SLC25A13: variants seen among roughly 807,000 people sequenced by gnomAD.
SLC25A13 encodes solute carrier family 25 member 13, also known as electrogenic aspartate/glutamate antiporter SLC25A13, mitochondrial.
Under a neutral mutation model 85.5 loss-of-function variants are expected in SLC25A13, and 70 were observed. The ratio of observed to expected loss-of-function variants is 0.82; its 90% confidence interval spans 0.68 to 1.00. The LOEUF (loss-of-function observed/expected upper bound fraction) is 1.00, where lower values mean the gene tolerates loss of function less well. SLC25A13 is among the 50% of genes least tolerant of loss of function. SLC25A13 has a pLI of 0.00. For missense variants in SLC25A13, 765 were observed against 819.8 expected (o/e 0.93, Z 0.82); for synonymous variants, 259 against 288.7 (o/e 0.90, Z 1.04).
chr7:96,162,315 AGG>A (rs1793538135), intron 13 of SLC25A13, among the ~76,000 whole-genome samples: 1 of 152,234 alleles, frequency 6.6e-6, no homozygotes, highest in African/African-American at 2.4e-5. Flanking sequence ...TTCAATCATA[AGG>A]AATGGTGACT....
chr7:96,145,273 A>C, intron 14 of SLC25A13, among the ~76,000 whole-genome samples: 1 of 152,168 alleles, frequency 6.6e-6, no homozygotes, highest in East Asian at 1.9e-4. Flanking sequence ...ACAAAGTCTC[A>C]GATCATGGAG....
At chr7:96,153,900 T>C (rs1269904330) in intron 13 of SLC25A13, among the ~76,000 whole-genome samples, 1 of 152,216 alleles carries the variant, frequency 6.6e-6, no homozygotes, top group African/African-American at 2.4e-5. Context: ...ATGAAATATA[T>C]AGGATCAAAA....
intron 2 of SLC25A13, among the ~76,000 whole-genome samples, chr7:96,295,607 G>A (rs1799314482): frequency 6.6e-6 from 1 of 152,026 alleles, no homozygotes. Flanking sequence ...CCTAAACATC[G>A]ATTAATACCA....
intron 1 of SLC25A13, chr7:96,309,509 T>C (rs1799876719): frequency 6.6e-6 from 1 of 152,184 alleles, no homozygotes; most frequent in South Asian, 2.1e-4. Flanking sequence ...AATGGATTAT[T>C]AGAAAAAGGT....
At chr7:96,218,951 T>C (rs1307082643) in intron 4 of SLC25A13, among the ~76,000 whole-genome samples, 1 of 152,178 alleles carries the variant, frequency 6.6e-6, no homozygotes, top group Non-Finnish European at 1.5e-5. Context: ...CCATCATCTT[T>C]TAAGCAGGGA....
intron 3 of SLC25A13, among the ~76,000 whole-genome samples, chr7:96,272,033 C>T (rs934188638): frequency 6.6e-6 from 1 of 152,020 alleles, no homozygotes; most frequent in Non-Finnish European, 1.5e-5. Flanking sequence ...TTACAGGTTA[C>T]GGCCACCATG....
intron 1 of SLC25A13, among the ~76,000 whole-genome samples, chr7:96,316,670 G>C (rs1305532625): frequency 1.3e-5 from 2 of 152,160 alleles, no homozygotes; most frequent in African/African-American, 4.8e-5. Context: ...GTCAAAAACA[G>C]AAAGCACCTA....
chr7:96,189,262 C>A, intron 9 of SLC25A13, 32 bp downstream of exon 9: 1 of 1,602,048 alleles, frequency 6.2e-7, no homozygotes, highest in Non-Finnish European at 8.5e-7. Context: ...CTAAGGAAAC[C>A]CCAGAATGCA....
intron 3 of SLC25A13, 136 bp downstream of exon 3, chr7:96,277,057 GTAA>G (rs1798479475): frequency 2.6e-6 from 2 of 769,654 alleles, no homozygotes; most frequent in South Asian, 4.5e-5. Flanking sequence ...CTCAAATAAT[GTAA>G]TAATAATAGT....
chr7:96,288,619 T>A (rs1798986837), intron 2 of SLC25A13, among the ~76,000 whole-genome samples: 1 of 152,122 alleles, frequency 6.6e-6, no homozygotes, highest in Non-Finnish European at 1.5e-5. Flanking sequence ...ACCAGGAGAA[T>A]ATATCCTGCG....
intron 15 of SLC25A13, among the ~76,000 whole-genome samples, chr7:96,131,382 A>G (rs6465487): frequency 0.4 from 60,565 of 151,944 alleles, 12,249 homozygotes; most frequent in East Asian, 0.63. Flanking sequence ...TTTTTTAGAC[A>G]TCTTTAAGAC....
chr7:96,304,793 G>A (rs530380884), intron 1 of SLC25A13, among the ~76,000 whole-genome samples: 13 of 152,274 alleles, frequency 8.5e-5, no homozygotes, highest in South Asian at 2.1e-4. Context: ...TAGGCCCAGC[G>A]CCAGGCACCG....
chr7:96,176,874 G>A (rs1299870842), intron 11 of SLC25A13, among the ~76,000 whole-genome samples: 1 of 152,194 alleles, frequency 6.6e-6, no homozygotes, highest in Non-Finnish European at 1.5e-5. Flanking sequence ...TAGGGCATGG[G>A]CTTTGGAGGT....
chr7:96,302,596 C>T (rs1178901485), intron 1 of SLC25A13, among the ~76,000 whole-genome samples: 5 of 152,218 alleles, frequency 3.3e-5, no homozygotes, highest in Admixed American at 3.3e-4. Flanking sequence ...AGACCACCAT[C>T]TCTGTGAGGG....
chr7:96,242,560 T>C (rs1345069214), intron 3 of SLC25A13, among the ~76,000 whole-genome samples: 1 of 152,196 alleles, frequency 6.6e-6, no homozygotes, highest in African/African-American at 2.4e-5. Flanking sequence ...TTAAGTCTGA[T>C]AAGAAATATT....
intron 15 of SLC25A13, among the ~76,000 whole-genome samples, chr7:96,122,333 TTTTC>T (rs1203891535): frequency 3.3e-5 from 5 of 152,352 alleles, no homozygotes; most frequent in African/African-American, 1.2e-4. Context: ...AGCGGTTTTC[TTTTC>T]TTTTTCTTTC....
intron 2 of SLC25A13, among the ~76,000 whole-genome samples, chr7:96,281,536 A>G (rs1798679238): frequency 2.0e-5 from 3 of 152,288 alleles, no homozygotes; most frequent in Middle Eastern, 3.4e-3. Context: ...ACTTACATAC[A>G]GTTAGTTTTA....
intron 5 of SLC25A13, among the ~76,000 whole-genome samples, chr7:96,204,258 T>TA (rs1186195092): frequency 1.3e-5 from 2 of 152,316 alleles, no homozygotes; most frequent in East Asian, 1.9e-4. Context: ...ATTATACAGA[T>TA]ATTAGTTATT....
At chr7:96,238,976 G>A (rs1796853108) in intron 3 of SLC25A13, among the ~76,000 whole-genome samples, 1 of 144,968 alleles carries the variant, frequency 6.9e-6, no homozygotes, top group Non-Finnish European at 1.5e-5. Flanking sequence ...ATATACATAT[G>A]CAAAGCTTAT....
Sources: gnomAD v4.1 joint callset for allele counts (sites outside exome capture counted in the v4.1 genomes callset) on GRCh38, gnomAD v4.1.1 for gene constraint, MANE v1.5 for transcripts, NCBI Gene and HGNC (gene_info 2026-07-23, HGNC 2026-07-21) for gene names.